ABCA6: variants seen among roughly 807,000 people sequenced by gnomAD.
The protein encoded by ABCA6 is ATP-binding cassette sub-family A member 6.
In ABCA6, 164 loss-of-function variants were observed where a neutral mutation model predicts 191.2. The observed-to-expected ratio is 0.86, with a 90% CI of 0.76 to 0.98. The LOEUF is 0.98. ABCA6 is among the 50% of genes least tolerant of loss of function. ABCA6 has a pLI of 0.00. For missense variants in ABCA6, 1,958 were observed against 1,894.1 expected (o/e 1.03, Z -0.63); for synonymous variants, 636 against 647.7 (o/e 0.98, Z 0.27).
In ABCA6 at chr17:69,140,591, C is replaced by A. The variant is rs779764645; in HGVS notation, c.96+17G>T. 16 of 1,560,716 alleles carry A rather than the reference C, an allele frequency of 1.0e-5. No individual in the cohort carries two copies. Among genetic ancestry groups the A allele is most frequent in the Admixed American group, 5.6e-5 (3 of 53,404 alleles). On this transcript the variant is annotated intron_variant, in intron 2 of 38. Coordinates refer to ENST00000284425, the MANE Select transcript of ABCA6 (RefSeq NM_080284.3). The stretch of plus-strand genomic sequence containing the variant: ...TAAGAGTGCTAACCGTGGAAAGAGA[C>A]AAATTTTTAAACATACCAATAAGCT...
At chr17:69,107,246 T>C (rs1487856635) in intron 18 of ABCA6, among the ~76,000 whole-genome samples, 1 of 152,146 alleles carries the variant, frequency 6.6e-6, no homozygotes, top group Non-Finnish European at 1.5e-5. Context: ...TTAATCTAAG[T>C]GTCTGGCATA....
chr17:69,108,114 A>T (rs1035520708), intron 17 of ABCA6: 1 of 307,100 alleles, frequency 3.3e-6, no homozygotes, highest in Non-Finnish European at 6.0e-6. Context: ...TCTCACCTCC[A>T]CACTACAAAC....
intron 2 of ABCA6, 47 bp downstream of exon 2, chr17:69,140,561 C>T (rs370278860): frequency 2.5e-6 from 3 of 1,196,570 alleles, no homozygotes; most frequent in Non-Finnish European, 3.5e-6. Flanking sequence ...GGTAATGAAA[C>T]ACTGTAAGAG....
Position 69,129,679 on chromosome 17 carries a change from G to C in ABCA6, c.864C>G (p.Phe288Leu), listed in dbSNP as rs199526362. ...ISIFVTIIIT[F>L]TQIIVMTGFM... ...AGCCAGTCATGACTATAATTTGGGT[G>C]AATGTTATGATAATTGTAACGAATA... Residue 288 changes from phenylalanine to leucine, a missense_variant, in exon 7 of 39, where the codon TTC becomes TTG. Coordinates refer to ENST00000284425, the MANE Select transcript of ABCA6 (RefSeq NM_080284.3). 11 of 1,603,356 alleles carry C rather than the reference G, an allele frequency of 6.9e-6. No individual in the cohort carries two copies. In the East Asian group the frequency reaches 2.5e-4, roughly 36 times the overall value.
At position 69,111,996 on chromosome 17, in the gene ABCA6, A is replaced by G; in HGVS notation, c.2132+187T>C. 5.6e-6 allele frequency: 3 copies of G among 531,352 alleles called. No individual in the cohort carries two copies. In the East Asian group the frequency reaches 9.1e-5, roughly 16 times the overall value. The allele number at this position is 531,352 out of a possible 1,614,324, so 32.9% of individuals were successfully genotyped here. ...GTCAGGCTTGGTTTATCATGTTGAAATGTTGCCAATGATTAACATTGTAAA... is the reference window on the plus strand; with the variant it reads ...GTCAGGCTTGGTTTATCATGTTGAAGTGTTGCCAATGATTAACATTGTAAA... On this transcript the variant is annotated intron_variant, in intron 16 of 38. Transcript: ENST00000284425.
Position 69,100,846 on chromosome 17 carries a change from A to G in ABCA6, c.2963T>C (p.Met988Thr), listed in dbSNP as rs2073163596. The G allele has an allele frequency of 4.3e-6, 7 of 1,612,982 alleles. No individual in the cohort carries two copies. Among genetic ancestry groups the G allele is most frequent in the Non-Finnish European group, 5.9e-6 (7 of 1,179,504 alleles). ...MNIISNGLLQMFNHTQHIRIE... is the reference protein window; with the variant it reads ...MNIISNGLLQTFNHTQHIRIE... ...TCGAATATGTTGTGTGTGATTAAAC[A>G]TTTGAAGTAGCCCATTGCTGATAAT... Residue 988 changes from methionine (M) to threonine (T), a missense_variant, in exon 22 of 39, where the codon ATG becomes ACG. By Grantham distance (81) the Met-to-Thr change is moderately conservative. Transcript: ENST00000284425.
At chr17:69,119,232 A>G (rs1227505060) in intron 10 of ABCA6, among the ~76,000 whole-genome samples, 1 of 152,122 alleles carries the variant, frequency 6.6e-6, no homozygotes, top group African/African-American at 2.4e-5. Flanking sequence ...TATGCAGAAC[A>G]GACTTCACTG....
intron 31 of ABCA6, 35 bp downstream of exon 31, chr17:69,085,590 T>C (rs1191844206): frequency 6.9e-7 from 1 of 1,439,084 alleles, no homozygotes; most frequent in African/African-American, 1.4e-5. Context: ...ATCATGAAAT[T>C]CCTGTTTTGG....
chr17:69,086,706 G>A lies in ABCA6; in HGVS notation c.3849C>T (p.His1283=), dbSNP rs371602458. The change falls in exon 30 of 39, where the codon CAC becomes CAT. Residue 1283 remains histidine (H), a synonymous_variant. Coordinates refer to ENST00000284425, the MANE Select transcript of ABCA6 (RefSeq NM_080284.3). Reference sequence around the variant, plus strand: ...TTTTCTTCTGGCCTGCATATTCTTTGTGTAGACAGCTGGCAATTATAACAG... The same window carrying A: ...TTTTCTTCTGGCCTGCATATTCTTTATGTAGACAGCTGGCAATTATAACAG... ...EKPVIIASCL[H]KEYAGQKKSC... 9.3e-6 allele frequency: 15 copies of A among 1,611,782 alleles called. No homozygotes were observed. The South Asian group carries it at 1.5e-4, about 17-fold the overall frequency.
chr17:69,084,485 G>A lies in ABCA6; in HGVS notation c.4207C>T (p.His1403Tyr). ...TGCACAGGAACATTCAGCTGCTCAT[G>A]CAGTTTGAAAGCACTCACTAATCTG... Reference protein sequence around the residue: ...IARLVSAFKLHEQLNVPVQKL... With the variant: ...IARLVSAFKLYEQLNVPVQKL... The change falls in exon 33 of 39, where the codon CAT becomes TAT. Residue 1403 changes from histidine (H) to tyrosine (Y), a missense_variant. His to Tyr is a moderately conservative substitution (Grantham distance 83, BLOSUM62 2). Coordinates refer to ENST00000284425, the MANE Select transcript of ABCA6 (RefSeq NM_080284.3). The A allele has an allele frequency of 6.2e-7, 1 of 1,614,152 alleles. No individual in the cohort carries two copies. Among genetic ancestry groups the A allele is most frequent in the Non-Finnish European group, 8.5e-7 (1 of 1,180,022 alleles).
intron 31 of ABCA6, among the ~76,000 whole-genome samples, 164 bp downstream of exon 31, chr17:69,085,461 T>A (rs551543132): frequency 1.6e-5 from 2 of 126,492 alleles, no homozygotes; most frequent in Non-Finnish European, 3.2e-5. Context: ...AGTCCTGTTA[T>A]AAACACCTGA....
chr17:69,105,932 A>C, intron 19 of ABCA6, 96 bp downstream of exon 19: 2 of 1,318,122 alleles, frequency 1.5e-6, no homozygotes, highest in Non-Finnish European at 2.1e-6. Flanking sequence ...CCGTGGCAGG[A>C]ATGTCAGATA....
chr17:69,090,418 G>A (rs1291235253), intron 26 of ABCA6, among the ~76,000 whole-genome samples: 1 of 152,114 alleles, frequency 6.6e-6, no homozygotes, highest in Non-Finnish European at 1.5e-5. Context: ...TTCCTCTGCA[G>A]AACATGCTTA....
intron 31 of ABCA6, 116 bp downstream of exon 31, chr17:69,085,509 T>C: frequency 1.4e-6 from 1 of 706,330 alleles, no homozygotes; most frequent in Non-Finnish European, 2.1e-6. Flanking sequence ...AAATAAAATT[T>C]ATCCAAAGGC....
intron 18 of ABCA6, among the ~76,000 whole-genome samples, chr17:69,107,241 C>T (rs2073325878): frequency 6.6e-6 from 1 of 152,052 alleles, no homozygotes; most frequent in Admixed American, 6.6e-5. Flanking sequence ...ATACATTAAT[C>T]TAAGTGTCTG....
At position 69,133,306 on chromosome 17, in the gene ABCA6, T is replaced by C. The variant is rs148053657; in HGVS notation, c.791+335A>G. Among the ~76,000 whole-genome samples, 87 of 152,336 alleles carry C rather than the reference T, an allele frequency of 5.7e-4. 1 individual carries two copies. Among genetic ancestry groups the C allele is most frequent in the African/African-American group, 1.9e-3 (77 of 41,592 alleles). On this transcript the variant is annotated intron_variant, in intron 6 of 38. Coordinates refer to ENST00000284425, the MANE Select transcript of ABCA6 (RefSeq NM_080284.3). ...GAAAACAAGCTGCAGTCAGGGCACC[T>C]GGGTTAGAGTCTCAGCTCCGGCACT...
At chr17:69,128,560 G>T (rs9909516) in intron 8 of ABCA6, 59 bp downstream of exon 8, 1 of 1,363,714 alleles carries the variant, frequency 7.3e-7, no homozygotes. Flanking sequence ...ATCCTACAGC[G>T]TATGAAGTAT....
Position 69,133,725 on chromosome 17 carries a change from T to C in ABCA6, c.707A>G (p.Tyr236Cys), listed in dbSNP as rs1266095033. ...FFLLHFSPLVYFISLNVTKER... is the reference protein window; with the variant it reads ...FFLLHFSPLVCFISLNVTKER... ...TTTTGTTACATTGAGTGATATAAAATATACAAGTGGGGAGAAATGAAGCAA... is the reference window on the plus strand; with the variant it reads ...TTTTGTTACATTGAGTGATATAAAACATACAAGTGGGGAGAAATGAAGCAA... The change falls in exon 6 of 39, where the codon TAT (tyrosine) becomes TGT (cysteine). Residue 236 changes from tyrosine to cysteine, a missense_variant. Tyr to Cys is a radical substitution (Grantham distance 194). Transcript: ENST00000284425. 6.2e-7 allele frequency: 1 copy of C among 1,611,840 alleles called. No individual in the cohort carries two copies. The highest frequency in any genetic ancestry group is 1.3e-5 in the African/African-American group (1 of 74,860).
At chr17:69,125,561 TA>T (rs1175023819) in intron 8 of ABCA6, among the ~76,000 whole-genome samples, 4 of 152,092 alleles carry the variant, frequency 2.6e-5, no homozygotes, top group Non-Finnish European at 4.4e-5. Flanking sequence ...ATAAGGCTTA[TA>T]AAAATAATAA....
Sources: allele counts gnomAD v4.1 joint callset (sites outside exome capture counted in the v4.1 genomes callset), GRCh38; gene constraint gnomAD v4.1.1; transcripts MANE v1.5; gene names NCBI Gene and HGNC (gene_info 2026-07-23, HGNC 2026-07-21).